The following ABAT variants were observed in gnomAD, a reference collection of about 807,000 sequenced individuals.
ABAT encodes 4-aminobutyrate aminotransferase, mitochondrial.
A neutral mutation model predicts 64.6 loss-of-function variants in ABAT; 45 were observed. The ratio of observed to expected loss-of-function variants is 0.70; its 90% CI spans 0.55 to 0.89. ABAT has a LOEUF of 0.89. Ranked by LOEUF, ABAT falls within the 40% of genes least tolerant of loss-of-function variation. ABAT has a pLI of 0.00. For missense variants in ABAT, 633 were observed against 658.4 expected, an observed-to-expected ratio of 0.96 and a Z score of 0.42; for synonymous variants, 297 against 250.5, an observed-to-expected ratio of 1.19 and a Z score of -1.75.
At chr16:8,775,702 A>C (rs1356871358) in intron 13 of ABAT, among the ~76,000 whole-genome samples, 2 of 152,234 alleles carry the variant, frequency 1.3e-5, no homozygotes, top group Non-Finnish European at 2.9e-5. Context: ...TCTAGGCAGT[A>C]GGAAAGAAAA....
At chr16:8,702,254 G>A (rs2057839501) in intron 1 of ABAT, among the ~76,000 whole-genome samples, 1 of 151,644 alleles carries the variant, frequency 6.6e-6, no homozygotes, top group African/African-American at 2.4e-5. Context: ...AGAGCAGAGA[G>A]GTGCTGCACT....
At chr16:8,774,117 C>T (rs774328690) in intron 12 of ABAT, among the ~76,000 whole-genome samples, 3 of 152,040 alleles carry the variant, frequency 2.0e-5, no homozygotes, top group African/African-American at 4.8e-5. Context: ...TCAGTAGAGA[C>T]GGGGTTTCGC....
intron 1 of ABAT, among the ~76,000 whole-genome samples, chr16:8,691,765 G>A (rs9923953): frequency 1.7e-3 from 257 of 152,296 alleles, no homozygotes; most frequent in Middle Eastern, 0.01. Flanking sequence ...GCAAGGTCTG[G>A]AGATGCTTTT....
intron 1 of ABAT, among the ~76,000 whole-genome samples, chr16:8,712,513 G>A (rs2058099770): frequency 6.6e-6 from 1 of 152,146 alleles, no homozygotes; most frequent in Non-Finnish European, 1.5e-5. Flanking sequence ...GTGGCTCACT[G>A]GTGAATATTG....
intron 11 of ABAT, among the ~76,000 whole-genome samples, chr16:8,772,086 A>C (rs1472190718): frequency 6.6e-6 from 1 of 152,144 alleles, no homozygotes. Flanking sequence ...TTTTTAACCG[A>C]GGATATATCT....
chr16:8,754,918 C>T (rs1212542527), intron 5 of ABAT, among the ~76,000 whole-genome samples: 1 of 151,924 alleles, frequency 6.6e-6, no homozygotes, highest in Non-Finnish European at 1.5e-5. Flanking sequence ...GGGGTTTCAC[C>T]ATGTTGGCCA....
intron 11 of ABAT, among the ~76,000 whole-genome samples, chr16:8,772,108 C>A (rs893652551): frequency 6.6e-6 from 1 of 152,004 alleles, no homozygotes. Flanking sequence ...CGATTCTGCC[C>A]CAAAAGGATT....
At position 8,782,330 on chromosome 16, in the gene ABAT, T is replaced by C. The variant is rs2060459167; in HGVS notation, c.*900T>C. 6.6e-6 allele frequency: 1 copy of C among 152,458 alleles called. No individual in the cohort carries two copies. The highest frequency in any genetic ancestry group is 2.4e-5 in the African/African-American group (1 of 41,438). 9.4% of individuals were successfully genotyped at this position (152,458 alleles called of 1,614,324 possible). A position where few individuals can be genotyped will look rare whatever the true frequency, so the allele number is the denominator to read the frequency against. On this transcript the variant is annotated 3_prime_UTR_variant, in exon 16 of 16. Coordinates refer to ENST00000268251, the MANE Select transcript of ABAT (RefSeq NM_020686.6). The stretch of plus-strand genomic sequence containing the variant: ...CTGGGGCAGCAGAGCCATCGCATCA[T>C]GTTTCCCAGGGCAACTTGAGGTCTG...
chr16:8,692,941 C>T (rs1306672920), intron 1 of ABAT, among the ~76,000 whole-genome samples: 3 of 152,194 alleles, frequency 2.0e-5, no homozygotes, highest in Admixed American at 1.3e-4. Flanking sequence ...GCAATCTCCA[C>T]CTCCCAGGTT....
At chr16:8,693,611 G>A (rs1230297510) in intron 1 of ABAT, among the ~76,000 whole-genome samples, 1 of 152,134 alleles carries the variant, frequency 6.6e-6, no homozygotes, top group Admixed American at 6.6e-5. Context: ...TGGGATTATA[G>A]GCATGTGCCA....
intron 1 of ABAT, among the ~76,000 whole-genome samples, chr16:8,706,316 G>C (rs1246324683): frequency 6.7e-6 from 1 of 150,372 alleles, no homozygotes; most frequent in Non-Finnish European, 1.5e-5. Flanking sequence ...TGAGGTGGGA[G>C]GATCACCTGA....
intron 1 of ABAT, among the ~76,000 whole-genome samples, chr16:8,687,347 A>T (rs370905157): frequency 9.9e-5 from 15 of 151,922 alleles, no homozygotes; most frequent in African/African-American, 3.6e-4. Flanking sequence ...ACACGGTGAA[A>T]CCCCGTCTCT....
At position 8,764,849 on chromosome 16, in the gene ABAT, A is replaced by ACG; in HGVS notation, c.540+20_540+21insGC. 6.4e-7 allele frequency: 1 copy of ACG among 1,562,966 alleles called. No homozygotes were observed. The highest frequency in any genetic ancestry group is 1.7e-5 in the Admixed American group (1 of 59,456). ...GTACCGGGTGAGGTTTGGGGCACAC[A>ACG]CACACACACACACACAGGCTCCCCA... On this transcript the variant is annotated intron_variant, in intron 8 of 15. Transcript: ENST00000268251. The surrounding 1 kb of genome is among the most constrained non-coding windows in gnomAD (Gnocchi z 4.2).
In ABAT at chr16:8,710,727, A is replaced by AGAGAGAGGGAGG. The variant is rs146344975; in HGVS notation, c.-41-24969_-41-24968insAGAGGGAGGGAG. Among the ~76,000 whole-genome samples the AGAGAGAGGGAGG allele has an allele frequency of 1.4e-4, 15 of 103,742 alleles. 1 individual carries two copies. The South Asian group carries it at 4.9e-3, about 34-fold the overall frequency. The allele number at this position is 103,742 out of a possible 152,430, so 68.1% of individuals were successfully genotyped here. On this transcript the variant is annotated intron_variant, in intron 1 of 15. Coordinates refer to ENST00000268251, the MANE Select transcript of ABAT (RefSeq NM_020686.6). ...GAGAGAGAGAGAGAGAGAGAGAGAGAGAGGAAATAGGCTCAGGAGCAAGCA... is the reference window on the plus strand; with the variant it reads ...GAGAGAGAGAGAGAGAGAGAGAGAGAGAGAGAGGGAGGGAGGAAATAGGCTCAGGAGCAAGCA...
chr16:8,731,547 A>G (rs2058718803), intron 1 of ABAT: 1 of 152,194 alleles, frequency 6.6e-6, no homozygotes. Context: ...GAGTTTTGTC[A>G]AAGCACTGGA....
intron 1 of ABAT, chr16:8,705,664 C>CATCT (rs1452750464): frequency 1.3e-5 from 2 of 152,154 alleles, no homozygotes; most frequent in African/African-American, 4.8e-5. Flanking sequence ...ATCAGACAGG[C>CATCT]AGATAGCTGA....
intron 5 of ABAT, among the ~76,000 whole-genome samples, chr16:8,756,189 C>T (rs562554114): frequency 6.6e-6 from 1 of 152,240 alleles, no homozygotes; most frequent in Non-Finnish European, 1.5e-5. Flanking sequence ...CACTGCACTC[C>T]AGCCTGGGCA....
intron 1 of ABAT, among the ~76,000 whole-genome samples, chr16:8,689,862 G>A (rs1250213610): frequency 6.6e-6 from 1 of 152,176 alleles, no homozygotes; most frequent in Admixed American, 6.5e-5. Context: ...GAGTCAGGAA[G>A]GTGCTATGCA....
chr16:8,684,283 G>T (rs1222284201), intron 1 of ABAT, among the ~76,000 whole-genome samples: 1 of 152,112 alleles, frequency 6.6e-6, no homozygotes, highest in Non-Finnish European at 1.5e-5. Context: ...GGGGAAAAAG[G>T]AAGGATAGAC....
Sources: gnomAD v4.1 joint callset for allele counts (sites outside exome capture counted in the v4.1 genomes callset) on GRCh38, gnomAD v4.1.1 for gene constraint, Gnocchi (gnomAD v3.1) non-coding constraint, MANE v1.5 for transcripts, NCBI Gene and HGNC (gene_info 2026-07-23, HGNC 2026-07-21) for gene names.